Variants in BCKDHB observed in about 807,000 individuals in gnomAD.
BCKDHB encodes branched chain keto acid dehydrogenase E1 subunit beta, also known as 2-oxoisovalerate dehydrogenase subunit beta, mitochondrial.
In BCKDHB, 41 loss-of-function variants were observed where a neutral mutation model predicts 48.5. That is an observed-to-expected ratio of 0.85 (90% CI 0.66 to 1.10). The LOEUF (loss-of-function observed/expected upper bound fraction) is 1.10, where lower values mean the gene tolerates loss of function less well. Among genes scored for constraint, BCKDHB ranks in the 50% least tolerant of loss-of-function variants. BCKDHB has a pLI of 0.00. For synonymous variants in BCKDHB, 201 were observed against 174.8 expected (o/e 1.15, Z -1.18); for missense variants, 496 against 494.2 (o/e 1.00, Z -0.03).
intron 3 of BCKDHB, among the ~76,000 whole-genome samples, chr6:80,139,694 T>G (rs1393493940): frequency 6.6e-6 from 1 of 152,136 alleles, no homozygotes; most frequent in African/African-American, 2.4e-5. Flanking sequence ...CCATGCTGTT[T>G]TGGTTACTGT....
At chr6:80,401,294 A>G in the BCKDHB span, among the ~76,000 whole-genome samples, 4 of 151,906 alleles carry the variant, frequency 2.6e-5, no homozygotes, top group East Asian at 1.9e-4. Context: ...TACTTAATAT[A>G]TGCCTCTCAA....
chr6:80,403,053 G>GT, the BCKDHB span, among the ~76,000 whole-genome samples: 5,794 of 151,652 alleles, frequency 0.038, 163 homozygotes, highest in Non-Finnish European at 0.058. Context: ...CTATAGCTTC[G>GT]TTTTTTCTCG....
At chr6:80,183,699 C>A (rs1773516031) in intron 6 of BCKDHB, among the ~76,000 whole-genome samples, 2 of 152,132 alleles carry the variant, frequency 1.3e-5, no homozygotes, top group Non-Finnish European at 2.9e-5. Flanking sequence ...TAATATCTTG[C>A]AGAGTATTTC....
At chr6:80,144,173 A>G (rs1397054117) in intron 3 of BCKDHB, among the ~76,000 whole-genome samples, 2 of 152,202 alleles carry the variant, frequency 1.3e-5, no homozygotes, top group African/African-American at 4.8e-5. Context: ...AATACAGCAT[A>G]TTAAATGGCA....
the BCKDHB span, among the ~76,000 whole-genome samples, chr6:80,365,567 C>G: frequency 6.6e-6 from 1 of 152,134 alleles, no homozygotes; most frequent in Non-Finnish European, 1.5e-5. Flanking sequence ...CTCAGGCAGT[C>G]AGACCTAATG....
intron 3 of BCKDHB, among the ~76,000 whole-genome samples, chr6:80,166,612 C>T (rs993584280): frequency 6.6e-5 from 10 of 150,794 alleles, no homozygotes; most frequent in African/African-American, 1.5e-4. Context: ...GCTGAGATTG[C>T]GCCATTGCAC....
intron 8 of BCKDHB, among the ~76,000 whole-genome samples, chr6:80,248,540 C>T (rs986769867): frequency 2.6e-5 from 4 of 152,052 alleles, no homozygotes; most frequent in African/African-American, 7.2e-5. Flanking sequence ...ATGGTATGAG[C>T]CCAGAATGCC....
At chr6:80,277,354 T>G (rs939510218) in intron 9 of BCKDHB, among the ~76,000 whole-genome samples, 1 of 152,066 alleles carries the variant, frequency 6.6e-6, no homozygotes, top group Non-Finnish European at 1.5e-5. Flanking sequence ...TATTTTAATA[T>G]CACCCAAATT....
At chr6:80,365,017 A>C in the BCKDHB span, among the ~76,000 whole-genome samples, 1 of 152,152 alleles carries the variant, frequency 6.6e-6, no homozygotes, top group Non-Finnish European at 1.5e-5. Flanking sequence ...GGGTTTCAAA[A>C]GGGGAGGGGG....
chr6:80,142,344 ACTGT>A, intron 3 of BCKDHB, among the ~76,000 whole-genome samples: 1 of 152,260 alleles, frequency 6.6e-6, no homozygotes, highest in Non-Finnish European at 1.5e-5. Context: ...AGTTATAAAT[ACTGT>A]CTATCTATTA....
intron 9 of BCKDHB, among the ~76,000 whole-genome samples, chr6:80,302,263 C>T (rs1767624709): frequency 6.6e-6 from 1 of 152,082 alleles, no homozygotes. Context: ...ACAGACTCTG[C>T]CAAAAGGCTA....
intron 3 of BCKDHB, among the ~76,000 whole-genome samples, chr6:80,154,300 T>C (rs1482667401): frequency 6.6e-6 from 1 of 152,220 alleles, no homozygotes; most frequent in Non-Finnish European, 1.5e-5. Flanking sequence ...CAAGTACATA[T>C]GAAACAAATT....
At chr6:80,190,474 G>A (rs973573930) in intron 6 of BCKDHB, among the ~76,000 whole-genome samples, 3 of 152,070 alleles carry the variant, frequency 2.0e-5, no homozygotes, top group East Asian at 3.9e-4. Flanking sequence ...ATCTATAACC[G>A]AGTTCTTTAA....
chr6:80,112,572 C>T (rs1200409863), intron 1 of BCKDHB, among the ~76,000 whole-genome samples: 1 of 152,210 alleles, frequency 6.6e-6, no homozygotes, highest in East Asian at 1.9e-4. Context: ...ATTACTATAT[C>T]AAACACACAC....
downstream of BCKDHB, among the ~76,000 whole-genome samples, chr6:80,347,813 A>T (rs768017312): frequency 2.0e-5 from 3 of 152,192 alleles, no homozygotes; most frequent in Non-Finnish European, 4.4e-5. Flanking sequence ...GGCATAAGAC[A>T]TACATACACA....
chr6:80,382,080 A>G, the BCKDHB span, among the ~76,000 whole-genome samples: 1 of 152,136 alleles, frequency 6.6e-6, no homozygotes, highest in Non-Finnish European at 1.5e-5. Flanking sequence ...TATTCTGGGA[A>G]GAGGAAGCAG....
chr6:80,201,543 A>G (rs1478619209), intron 7 of BCKDHB, among the ~76,000 whole-genome samples: 3 of 152,188 alleles, frequency 2.0e-5, no homozygotes, highest in Non-Finnish European at 4.4e-5. Flanking sequence ...TTTGGAATAC[A>G]TGTATACCCA....
chr6:80,287,243 A>T (rs1345170672), intron 9 of BCKDHB, among the ~76,000 whole-genome samples: 1 of 152,194 alleles, frequency 6.6e-6, no homozygotes, highest in Non-Finnish European at 1.5e-5. Flanking sequence ...GGGACAACAG[A>T]CATAAAGTGA....
At chr6:80,192,437 A>G (rs1274505928) in intron 6 of BCKDHB, among the ~76,000 whole-genome samples, 1 of 152,188 alleles carries the variant, frequency 6.6e-6, no homozygotes, top group East Asian at 1.9e-4. Context: ...GCTCCTTGCT[A>G]TAGAAAATGC....
Sources: allele counts gnomAD v4.1 joint callset (sites outside exome capture counted in the v4.1 genomes callset), GRCh38; gene constraint gnomAD v4.1.1; transcripts MANE v1.5; gene names NCBI Gene and HGNC (gene_info 2026-07-23, HGNC 2026-07-21).